ACAT1: variants seen among roughly 807,000 people sequenced by gnomAD.
ACAT1 encodes acetyl-CoA acetyltransferase, mitochondrial.
In ACAT1, 28 loss-of-function variants were observed where a neutral mutation model predicts 47.3. That is an observed-to-expected ratio of 0.59 (90% CI 0.44 to 0.81). ACAT1 has a LOEUF of 0.81. Among genes scored for constraint, ACAT1 ranks in the 30% least tolerant of loss-of-function variants. ACAT1 has a pLI of 0.00. For synonymous variants in ACAT1, 181 were observed against 173.6 expected, an observed-to-expected ratio of 1.04 and a Z score of -0.34; for missense variants, 469 against 524.3, an observed-to-expected ratio of 0.89 and a Z score of 1.03.
At chr11:108,130,059 AG>A (rs1259565326) in intron 1 of ACAT1, among the ~76,000 whole-genome samples, 3 of 151,974 alleles carry the variant, frequency 2.0e-5, no homozygotes, top group Non-Finnish European at 4.4e-5. Context: ...CCTGTCTCTG[AG>A]TATATATGTT....
chr11:108,123,980 T>A (rs550104099), intron 1 of ACAT1, among the ~76,000 whole-genome samples: 1 of 152,340 alleles, frequency 6.6e-6, no homozygotes, highest in Admixed American at 6.5e-5. Flanking sequence ...GCTCCCAGAT[T>A]CATTTATCTT....
chr11:108,139,907 C>A, intron 6 of ACAT1, 158 bp from the exon 7 acceptor site: 1 of 803,922 alleles, frequency 1.2e-6, no homozygotes, highest in Non-Finnish European at 1.9e-6. Flanking sequence ...TGCCTTGGCC[C>A]CCCAAAGTGC....
At chr11:108,132,063 T>C (rs2077371086) in intron 2 of ACAT1, 109 bp downstream of exon 2, 1 of 692,226 alleles carries the variant, frequency 1.4e-6, no homozygotes, top group Non-Finnish European at 2.6e-6. Flanking sequence ...CAGGATTATG[T>C]AACAGTTAGG....
rs573208198 is a variant in ACAT1, at chr11:108,121,655, C to G, written c.49C>G (p.Pro17Ala). 2 of 1,549,844 alleles carry G rather than the reference C, an allele frequency of 1.3e-6. No individual in the cohort carries two copies. The highest frequency in any genetic ancestry group is 3.9e-5 in the Admixed American group (2 of 51,132). Residue 17 changes from proline to alanine, a missense_variant, in exon 1 of 12, where the codon CCC becomes GCC. Transcript: ENST00000265838. ...GCGCAGCGGCGCCCGCAGCCGCAGC[C>G]CCCTGCTCCGGAGGCTGGTGCAGGT... ...LLRSGARSRS[P>A]LLRRLVQEIR... is the part of the protein sequence containing the mutation.
Position 108,140,168 on chromosome 11 carries a change from C to T in ACAT1, c.683C>T (p.Ala228Val). ...ACCAGAAGTAAAGCAGCATGGGAAG[C>T]TGGGAAATTTGGAAATGAAGTTATT... ...SYTRSKAAWEAGKFGNEVIPV... is the reference protein window; with the variant it reads ...SYTRSKAAWEVGKFGNEVIPV... The change falls in exon 7 of 12, where the codon GCT (alanine) becomes GTT (valine). Residue 228 changes from alanine to valine, a missense_variant. Physicochemically the swap from Ala to Val is moderately conservative, Grantham distance 64. Coordinates refer to ENST00000265838, the MANE Select transcript of ACAT1 (RefSeq NM_000019.4). The T allele has an allele frequency of 6.2e-7, 1 of 1,614,102 alleles. No individual in the cohort carries two copies. The highest frequency in any genetic ancestry group is 8.5e-7 in the Non-Finnish European group (1 of 1,180,012).
chr11:108,121,441 C>G, upstream of ACAT1: 1 of 765,518 alleles, frequency 1.3e-6, no homozygotes. Flanking sequence ...TGTCCCAGCG[C>G]CAGGCTCCGC....
chr11:108,128,619 A>C (rs2077295498), intron 1 of ACAT1: 1 of 152,098 alleles, frequency 6.6e-6, no homozygotes, highest in Non-Finnish European at 1.5e-5. Context: ...AGAGACATTT[A>C]TTTGTTTTTA....
intron 1 of ACAT1, chr11:108,128,923 G>A (rs2135313491): frequency 6.6e-6 from 1 of 152,310 alleles, no homozygotes; most frequent in South Asian, 2.1e-4. Flanking sequence ...GGAACAGGTG[G>A]TGTTGGATTA....
chr11:108,144,066 G>A lies in ACAT1; in HGVS notation c.1005+19G>A, dbSNP rs1239413602. 1.9e-6 allele frequency: 3 copies of A among 1,610,850 alleles called. No homozygotes were observed. The highest frequency in any genetic ancestry group is 1.7e-6 in the Non-Finnish European group (2 of 1,178,362). On this transcript the variant is annotated intron_variant, in intron 10 of 11. Coordinates refer to ENST00000265838, the MANE Select transcript of ACAT1 (RefSeq NM_000019.4). Reference sequence around the variant, plus strand: ...ATCTATGGTGAGAACAAAGTGAGGGGCGATACTCCATTATGCTAGCTTCTG... The same window carrying A: ...ATCTATGGTGAGAACAAAGTGAGGGACGATACTCCATTATGCTAGCTTCTG...
intron 5 of ACAT1, among the ~76,000 whole-genome samples, chr11:108,137,358 A>C (rs1221851418): frequency 6.6e-6 from 1 of 152,136 alleles, no homozygotes; most frequent in Non-Finnish European, 1.5e-5. Context: ...GAGACTGAAA[A>C]AGGGGAGAGA....
intron 1 of ACAT1, among the ~76,000 whole-genome samples, chr11:108,130,196 A>G (rs938805503): frequency 4.6e-5 from 7 of 151,978 alleles, no homozygotes; most frequent in African/African-American, 1.7e-4. Flanking sequence ...CCGTCATCCA[A>G]CTGACCCAGT....
chr11:108,134,641 GAAAA>G (rs71047674), intron 4 of ACAT1, among the ~76,000 whole-genome samples: 6 of 64,118 alleles, frequency 9.4e-5, no homozygotes, highest in African/African-American at 2.6e-4. Flanking sequence ...CTGTCTGAAA[GAAAA>G]AAAAAAAAAA....
Position 108,134,310 on chromosome 11 carries a change from G to A in ACAT1, c.328G>A (p.Gly110Ser). The A allele has an allele frequency of 1.2e-6, 2 of 1,613,044 alleles. No individual in the cohort carries two copies. Among genetic ancestry groups the A allele is most frequent in the Non-Finnish European group, 1.7e-6 (2 of 1,179,400 alleles). ...GQAPTRQAVLGAGLPISTPCT... is the reference protein window; with the variant it reads ...GQAPTRQAVLSAGLPISTPCT... ...AGCTCCTACAAGGCAGGCAGTATTG[G>A]GTGCAGGTACCTGGAAGACTTTTTT... The change falls in exon 4 of 12, where the codon GGT becomes AGT. Residue 110 changes from glycine (G) to serine (S), a missense_variant. Coordinates refer to ENST00000265838, the MANE Select transcript of ACAT1 (RefSeq NM_000019.4).
chr11:108,121,170 C>G, upstream of ACAT1: 1 of 273,686 alleles, frequency 3.7e-6, no homozygotes. Context: ...CACTGCACTC[C>G]AGCTTGGGTG....
chr11:108,144,455 A>G (rs2077660434), intron 10 of ACAT1, among the ~76,000 whole-genome samples: 5 of 152,178 alleles, frequency 3.3e-5, no homozygotes, highest in Admixed American at 2.6e-4. Flanking sequence ...CAGAGTAAAT[A>G]GTAAAACTAG....
chr11:108,127,104 C>T (rs1040532323), intron 1 of ACAT1, among the ~76,000 whole-genome samples: 5 of 151,908 alleles, frequency 3.3e-5, no homozygotes, highest in Non-Finnish European at 5.9e-5. Context: ...GGGTGAGCCA[C>T]TGCACCTGGC....
chr11:108,126,063 C>T (rs919987362), intron 1 of ACAT1, among the ~76,000 whole-genome samples: 2 of 152,080 alleles, frequency 1.3e-5, no homozygotes, highest in Admixed American at 6.6e-5. Context: ...AGGGCAGCGG[C>T]GCGATCTCGG....
chr11:108,140,437 T>C (rs753651171), intron 7 of ACAT1, among the ~76,000 whole-genome samples: 9 of 152,198 alleles, frequency 5.9e-5, no homozygotes, highest in Non-Finnish European at 1.3e-4. Context: ...TTGAGAAATT[T>C]ATTAGAACTT....
At chr11:108,119,641 T>TTC (rs35756586), upstream of ACAT1, among the ~76,000 whole-genome samples, 11 of 149,296 alleles carry the variant, frequency 7.4e-5, no homozygotes, top group African/African-American at 2.2e-4. Context: ...AAATATCTGT[T>TTC]TCTCTCTCTC....
Sources: allele counts gnomAD v4.1 joint callset (sites outside exome capture counted in the v4.1 genomes callset), GRCh38; gene constraint gnomAD v4.1.1; transcripts MANE v1.5; gene names NCBI Gene and HGNC (gene_info 2026-07-23, HGNC 2026-07-21).